The following SH3D19 variants were observed in gnomAD, a reference collection of about 807,000 sequenced individuals.
SH3D19 encodes SH3 domain containing 19, also known as SH3 domain-containing protein 19.
In SH3D19, 58 loss-of-function variants were observed where a neutral mutation model predicts 112.1. That is an observed-to-expected ratio of 0.52 (90% CI 0.42 to 0.64). SH3D19 has a LOEUF of 0.64. SH3D19 is among the 30% of genes least tolerant of loss of function. The pLI is 0.00. For synonymous variants in SH3D19, 391 were observed against 448.5 expected (o/e 0.87, Z 1.62); for missense variants, 1,090 against 1,263.4 (o/e 0.86, Z 2.08).
At chr4:151,308,994 G>A (rs545866303) in intron 1 of SH3D19, among the ~76,000 whole-genome samples, 3 of 151,950 alleles carry the variant, frequency 2.0e-5, no homozygotes, top group East Asian at 1.9e-4. Flanking sequence ...CCACCCTCCC[G>A]AGTAGCTGGG....
At chr4:151,199,079 T>C (rs1360367852) in intron 2 of SH3D19, among the ~76,000 whole-genome samples, 2 of 151,674 alleles carry the variant, frequency 1.3e-5, no homozygotes, top group Non-Finnish European at 2.9e-5. Context: ...CAAGAACATA[T>C]TTGGTAGCCG....
rs1467002415 is a variant in SH3D19 at position 151,175,182 on chromosome 4, G to A, written c.1022C>T (p.Ala341Val). 1.2e-6 allele frequency: 2 copies of A among 1,614,032 alleles called. No homozygotes were observed. Among genetic ancestry groups the A allele is most frequent in the Non-Finnish European group, 1.7e-6 (2 of 1,180,018 alleles). ...GKPSVAPKPAANRASGEWDSG... is the reference protein window; with the variant it reads ...GKPSVAPKPAVNRASGEWDSG... Reference sequence around the variant, plus strand: ...GTCCCACTCTCCAGAAGCTCTGTTAGCAGCTGGTTTGGGAGCTACAGAAGG... The same window carrying A: ...GTCCCACTCTCCAGAAGCTCTGTTAACAGCTGGTTTGGGAGCTACAGAAGG... The change falls in exon 7 of 20, where the codon GCT becomes GTT. Residue 341 changes from alanine to valine, a missense_variant. By Grantham distance (64) the Ala-to-Val change is moderately conservative. Transcript: ENST00000604030.
At chr4:151,200,129 C>A (rs1370610571) in intron 2 of SH3D19, among the ~76,000 whole-genome samples, 1 of 152,144 alleles carries the variant, frequency 6.6e-6, no homozygotes, top group Non-Finnish European at 1.5e-5. Context: ...AACTTCCCAG[C>A]CTCGAGAAGT....
intron 1 of SH3D19, among the ~76,000 whole-genome samples, chr4:151,241,580 T>TAAA (rs1450775271): frequency 0.024 from 3,694 of 150,830 alleles, 179 homozygotes; most frequent in African/African-American, 0.086. Context: ...AATTTATTTA[T>TAAA]TTAAGACAGG....
chr4:151,220,218 C>G (rs911078699), intron 2 of SH3D19, among the ~76,000 whole-genome samples: 1 of 152,206 alleles, frequency 6.6e-6, no homozygotes, highest in Non-Finnish European at 1.5e-5. Context: ...CTTGGTTAGT[C>G]TTGCTCTTCC....
chr4:151,168,615 T>C (rs2149813462), intron 7 of SH3D19, among the ~76,000 whole-genome samples: 1 of 152,168 alleles, frequency 6.6e-6, no homozygotes, highest in Non-Finnish European at 1.5e-5. Context: ...TTATTTTTTG[T>C]AGAGATGAGG....
intron 2 of SH3D19, among the ~76,000 whole-genome samples, chr4:151,202,572 AAGAT>A (rs1764548271): frequency 1.3e-5 from 2 of 152,188 alleles, no homozygotes; most frequent in Non-Finnish European, 2.9e-5. Context: ...GAATGTCTGT[AAGAT>A]ATGCCAACTG....
At chr4:151,165,393 G>GGAAGC (rs1168344521) in intron 8 of SH3D19, among the ~76,000 whole-genome samples, 196 bp downstream of exon 8, 2 of 152,196 alleles carry the variant, frequency 1.3e-5, no homozygotes, top group African/African-American at 4.8e-5. Flanking sequence ...AAAGGGAAAG[G>GGAAGC]GAAGCGAAGG....
intron 2 of SH3D19, among the ~76,000 whole-genome samples, chr4:151,204,653 T>C (rs990852481): frequency 1.3e-5 from 2 of 152,248 alleles, no homozygotes; most frequent in Admixed American, 1.3e-4. Context: ...GGAGATGTTA[T>C]TTTTAAAATC....
chr4:151,181,540 C>T (rs761655051), intron 3 of SH3D19: 1 of 152,248 alleles, frequency 6.6e-6, no homozygotes, highest in South Asian at 2.1e-4. Context: ...GAGGCTAGAG[C>T]TCTGCATGGT....
intron 2 of SH3D19, among the ~76,000 whole-genome samples, chr4:151,221,444 C>T (rs1252212202): frequency 2.0e-5 from 3 of 152,192 alleles, no homozygotes; most frequent in Non-Finnish European, 2.9e-5. Context: ...AACAGGTCAC[C>T]GCCAATGTCA....
intron 3 of SH3D19, among the ~76,000 whole-genome samples, chr4:151,184,657 A>T (rs554116686): frequency 6.6e-6 from 1 of 151,896 alleles, no homozygotes; most frequent in South Asian, 2.1e-4. Flanking sequence ...CCCTCCACTG[A>T]TTGCTTCCCT....
At chr4:151,176,329 G>A (rs1366109565) in intron 6 of SH3D19, among the ~76,000 whole-genome samples, 1 of 152,202 alleles carries the variant, frequency 6.6e-6, no homozygotes, top group African/African-American at 2.4e-5. Flanking sequence ...GTAAGCTCAA[G>A]AGATTGGGGC....
At chr4:151,235,252 A>G (rs983431613) in intron 1 of SH3D19, among the ~76,000 whole-genome samples, 3 of 152,110 alleles carry the variant, frequency 2.0e-5, no homozygotes, top group Non-Finnish European at 2.9e-5. Context: ...TGCGTACTCA[A>G]TGTTTAACTC....
chr4:151,179,301 C>A, intron 4 of SH3D19, 54 bp downstream of exon 4: 1 of 1,041,256 alleles, frequency 9.6e-7, no homozygotes, highest in Non-Finnish European at 1.2e-6. Flanking sequence ...TGATAACACA[C>A]TTTTACTCAA....
intron 1 of SH3D19, chr4:151,283,429 C>T (rs1429149060): frequency 6.7e-6 from 4 of 600,378 alleles, no homozygotes; most frequent in Non-Finnish European, 1.1e-5. Flanking sequence ...GGACAAATCA[C>T]TTAACTTCTA....
chr4:151,296,044 A>AAAAG (rs1336742772), intron 1 of SH3D19, among the ~76,000 whole-genome samples: 1,562 of 150,862 alleles, frequency 0.01, 34 homozygotes, highest in African/African-American at 0.034. Flanking sequence ...CAAAAAAAAA[A>AAAAG]AAAGAAAGAA....
intron 2 of SH3D19, among the ~76,000 whole-genome samples, chr4:151,217,395 G>C (rs1266194400): frequency 6.6e-6 from 1 of 152,166 alleles, no homozygotes; most frequent in Non-Finnish European, 1.5e-5. Flanking sequence ...ATGATATAGT[G>C]ATTGCTATGA....
At chr4:151,183,951 C>A (rs1327453193) in intron 3 of SH3D19, among the ~76,000 whole-genome samples, 1 of 152,178 alleles carries the variant, frequency 6.6e-6, no homozygotes, top group Non-Finnish European at 1.5e-5. Flanking sequence ...TGGGTCAACA[C>A]CTACCACGCA....
Sources: gnomAD v4.1 joint callset for allele counts (sites outside exome capture counted in the v4.1 genomes callset) on GRCh38, gnomAD v4.1.1 for gene constraint, MANE v1.5 for transcripts, NCBI Gene and HGNC (gene_info 2026-07-23, HGNC 2026-07-21) for gene names.